CRPPA: variants seen among roughly 807,000 people sequenced by gnomAD.
The protein encoded by CRPPA is D-ribitol-5-phosphate cytidylyltransferase.
Under a neutral mutation model 52.0 loss-of-function variants are expected in CRPPA, and 43 were observed. That is an observed-to-expected ratio of 0.83 (90% confidence interval 0.65 to 1.07). The LOEUF is 1.07. Among genes scored for constraint, CRPPA ranks in the 50% least tolerant of loss-of-function variants. The probability of loss-of-function intolerance (pLI) is 0.00; values close to 1 mark genes in which losing one functional copy is unlikely to be tolerated. For synonymous variants in CRPPA, 250 were observed against 203.5 expected, an observed-to-expected ratio of 1.23 and a Z score of -1.94; for missense variants, 629 against 551.7, an observed-to-expected ratio of 1.14 and a Z score of -1.40.
intron 9 of CRPPA, among the ~76,000 whole-genome samples, chr7:16,175,258 A>C (rs566996068): frequency 3.3e-5 from 5 of 151,954 alleles, no homozygotes; most frequent in African/African-American, 1.2e-4. Context: ...GTACTCTCTA[A>C]AGTATTCTAC....
intron 8 of CRPPA, among the ~76,000 whole-genome samples, chr7:16,239,136 T>TGAAAAAAAA (rs1783031690): frequency 9.4e-5 from 1 of 10,694 alleles, no homozygotes; most frequent in Non-Finnish European, 1.8e-4. Context: ...AGACTCTGTC[T>TGAAAAAAAA]CAAAAAAAAA....
intron 8 of CRPPA, among the ~76,000 whole-genome samples, chr7:16,253,296 C>T (rs1401711281): frequency 6.6e-6 from 1 of 152,078 alleles, no homozygotes; most frequent in Non-Finnish European, 1.5e-5. Flanking sequence ...GATATTCTGG[C>T]ATGCGGTGTC....
intron 9 of CRPPA, among the ~76,000 whole-genome samples, chr7:16,112,644 AAG>A (rs911147373): frequency 9.8e-5 from 15 of 152,332 alleles, no homozygotes; most frequent in African/African-American, 3.6e-4. Context: ...GAAACAAAAA[AAG>A]AGACATTGTA....
intron 9 of CRPPA, among the ~76,000 whole-genome samples, chr7:16,141,838 C>T (rs545282846): frequency 1.3e-5 from 2 of 152,100 alleles, no homozygotes; most frequent in Non-Finnish European, 2.9e-5. Context: ...GGCTGGGTGT[C>T]AAGCGCTCCT....
chr7:16,227,165 C>A (rs1008216947), intron 8 of CRPPA, among the ~76,000 whole-genome samples: 4 of 151,870 alleles, frequency 2.6e-5, no homozygotes, highest in Admixed American at 2.0e-4. Flanking sequence ...GATTCCATAT[C>A]CTAGCTATTG....
intron 6 of CRPPA, among the ~76,000 whole-genome samples, chr7:16,274,371 G>A (rs1784160244): frequency 1.3e-5 from 2 of 152,054 alleles, no homozygotes; most frequent in Non-Finnish European, 2.9e-5. Context: ...CTAAGAGAAA[G>A]CATTCTCTTA....
chr7:16,243,954 A>G (rs982953200), intron 8 of CRPPA, among the ~76,000 whole-genome samples: 3 of 152,198 alleles, frequency 2.0e-5, no homozygotes, highest in Non-Finnish European at 4.4e-5. Context: ...ATAGAGTGAG[A>G]TCCTGTCTCA....
intron 3 of CRPPA, among the ~76,000 whole-genome samples, chr7:16,349,375 C>A (rs1276071157): frequency 6.6e-6 from 1 of 152,086 alleles, no homozygotes; most frequent in East Asian, 1.9e-4. Context: ...ACCTAATATG[C>A]AGAAAACAAC....
intron 9 of CRPPA, among the ~76,000 whole-genome samples, chr7:16,131,430 G>C (rs541438787): frequency 2.5e-4 from 38 of 152,324 alleles, no homozygotes; most frequent in African/African-American, 8.2e-4. Context: ...GGAAACTGGA[G>C]GAAAGGTGAT....
chr7:16,341,606 G>A (rs1785833869), intron 3 of CRPPA, among the ~76,000 whole-genome samples: 1 of 152,078 alleles, frequency 6.6e-6, no homozygotes, highest in Non-Finnish European at 1.5e-5. Context: ...AGAAAGTACT[G>A]TTTATACATA....
intron 9 of CRPPA, among the ~76,000 whole-genome samples, chr7:16,122,411 A>G (rs1179529348): frequency 6.6e-6 from 1 of 152,072 alleles, no homozygotes; most frequent in Non-Finnish European, 1.5e-5. Context: ...CTAAACTTAG[A>G]AAAGAAAAAA....
chr7:16,258,259 G>T (rs1783696984), intron 8 of CRPPA, 131 bp downstream of exon 8: 1 of 519,570 alleles, frequency 1.9e-6, no homozygotes, highest in Non-Finnish European at 3.3e-6. Context: ...GTAAGCAGAG[G>T]AATCCACAAA....
At chr7:16,320,862 A>G (rs1162510641) in intron 3 of CRPPA, among the ~76,000 whole-genome samples, 1 of 152,168 alleles carries the variant, frequency 6.6e-6, no homozygotes, top group Non-Finnish European at 1.5e-5. Context: ...CAGTCATTTT[A>G]TGAGTAAATA....
intron 2 of CRPPA, among the ~76,000 whole-genome samples, chr7:16,387,048 T>TAC (rs1787290389): frequency 1.8e-4 from 2 of 10,864 alleles, no homozygotes; most frequent in African/African-American, 2.3e-4. Flanking sequence ...AAAAAAGATA[T>TAC]ATATATATAT....
At chr7:16,235,662 C>G (rs1562575517) in intron 8 of CRPPA, among the ~76,000 whole-genome samples, 1 of 151,968 alleles carries the variant, frequency 6.6e-6, no homozygotes, top group Non-Finnish European at 1.5e-5. Context: ...ATTGCCTATT[C>G]CTAAAGTAAA....
intron 3 of CRPPA, among the ~76,000 whole-genome samples, chr7:16,340,735 TCCA>T (rs1340430229): frequency 6.6e-6 from 1 of 152,076 alleles, no homozygotes; most frequent in Non-Finnish European, 1.5e-5. Context: ...TACAATATGA[TCCA>T]GCAATCTTAC....
intron 8 of CRPPA, among the ~76,000 whole-genome samples, chr7:16,227,710 T>TC (rs1186726711): frequency 6.6e-6 from 1 of 151,838 alleles, no homozygotes. Context: ...AGTTGTCTCT[T>TC]CATTTTTCCT....
At chr7:16,277,056 T>A (rs1784217643) in intron 6 of CRPPA, 1 of 152,218 alleles carries the variant, frequency 6.6e-6, no homozygotes, top group Non-Finnish European at 1.5e-5. Flanking sequence ...GCATGCCAGA[T>A]GCTTCTCTAA....
chr7:16,142,108 A>G (rs572946511), intron 9 of CRPPA, among the ~76,000 whole-genome samples: 3 of 152,344 alleles, frequency 2.0e-5, no homozygotes, highest in Non-Finnish European at 4.4e-5. Context: ...CCTAAGAGAC[A>G]TAAACAAGAA....
Sources: allele counts gnomAD v4.1 joint callset (sites outside exome capture counted in the v4.1 genomes callset), GRCh38; gene constraint gnomAD v4.1.1; transcripts MANE v1.5; gene names NCBI Gene and HGNC (gene_info 2026-07-23, HGNC 2026-07-21).